LRRC7: variants seen among roughly 807,000 people sequenced by gnomAD.
LRRC7 encodes the protein leucine rich repeat containing 7.
Under a neutral mutation model 175.7 loss-of-function variants are expected in LRRC7, and 23 were observed. That is an observed-to-expected ratio of 0.13 (90% confidence interval 0.09 to 0.19). The LOEUF (loss-of-function observed/expected upper bound fraction) is 0.19. Ranked by LOEUF, LRRC7 falls within the 10% of genes least tolerant of loss-of-function variation. The probability of loss-of-function intolerance (pLI) is 1.00; values close to 1 mark genes in which losing one functional copy is unlikely to be tolerated. For missense variants in LRRC7, 1,354 were observed against 1,904.7 expected, an observed-to-expected ratio of 0.71 and a Z score of 5.38; for synonymous variants, 685 against 680.9, an observed-to-expected ratio of 1.01 and a Z score of -0.09.
At chr1:69,772,457 C>T (rs1035035888) in intron 3 of LRRC7, among the ~76,000 whole-genome samples, 2 of 152,160 alleles carry the variant, frequency 1.3e-5, no homozygotes, top group East Asian at 3.9e-4. Context: ...CACACAAGTT[C>T]AAATAAGCTA....
Position 70,135,739 on chromosome 1 carries a change from A to T in LRRC7, c.*13852A>T, listed in dbSNP as rs1666841057. 6.6e-6 allele frequency among the ~76,000 whole-genome samples: 1 copy of T among 152,212 alleles called. No homozygotes were observed. The highest frequency in any genetic ancestry group is 1.5e-5 in the Non-Finnish European group (1 of 68,038). ...CTCTAAAAGTGATTTTTTCTCTAGG[A>T]TATCATCATCCAAACTATTCTTGCC... On this transcript the variant is annotated 3_prime_UTR_variant, in exon 27 of 27. Transcript: ENST00000651989.
intron 7 of LRRC7, among the ~76,000 whole-genome samples, chr1:69,921,454 T>C (rs1318578468): frequency 1.3e-5 from 2 of 152,182 alleles, no homozygotes; most frequent in African/African-American, 4.8e-5. Context: ...ACCTTAGATT[T>C]ATTCCATTCT....
At position 69,577,180 on chromosome 1, in the gene LRRC7, T is replaced by C. The variant is rs1431205064; in HGVS notation, c.2+8539T>C. Among the ~76,000 whole-genome samples, 3 of 152,188 alleles carry C rather than the reference T, an allele frequency of 2.0e-5. No individual in the cohort carries two copies. In the East Asian group the frequency reaches 5.8e-4, roughly 29 times the overall value. On this transcript the variant is annotated intron_variant, in intron 1 of 26. Transcript: ENST00000651989. ...TTTGTACTTTGGTACAAGAAGAAAC[T>C]ACTAGAACTGTTATGCATGTTTAAG...
At chr1:70,106,724 C>G (rs1665171442) in intron 25 of LRRC7, among the ~76,000 whole-genome samples, 2 of 152,212 alleles carry the variant, frequency 1.3e-5, no homozygotes, top group Non-Finnish European at 2.9e-5. Flanking sequence ...CATCAGCACT[C>G]CAGCCATAGC....
intron 1 of LRRC7, among the ~76,000 whole-genome samples, chr1:69,646,851 T>C (rs767019660): frequency 2.0e-5 from 3 of 152,134 alleles, no homozygotes; most frequent in Non-Finnish European, 2.9e-5. Flanking sequence ...AAATAGGGTT[T>C]AAGGATCTCT....
intron 3 of LRRC7, among the ~76,000 whole-genome samples, chr1:69,784,340 T>C (rs1191354468): frequency 1.3e-5 from 2 of 152,208 alleles, no homozygotes; most frequent in Admixed American, 6.5e-5. Context: ...AGGTGAACTT[T>C]CTTCAACTGG....
chr1:69,739,061 G>A (rs1282816104), intron 2 of LRRC7, among the ~76,000 whole-genome samples: 2 of 152,030 alleles, frequency 1.3e-5, no homozygotes, highest in African/African-American at 4.8e-5. Flanking sequence ...TTGACTAAAA[G>A]CAAGATAGCA....
chr1:69,609,265 C>T (rs752129438), intron 1 of LRRC7, among the ~76,000 whole-genome samples: 3 of 152,030 alleles, frequency 2.0e-5, no homozygotes, highest in Non-Finnish European at 2.9e-5. Context: ...AAATCTGACT[C>T]ATGTCTACGT....
chr1:70,043,777 T>A (rs1393723374), intron 21 of LRRC7, among the ~76,000 whole-genome samples, 177 bp from the exon 22 acceptor site: 1 of 152,238 alleles, frequency 6.6e-6, no homozygotes, highest in Non-Finnish European at 1.5e-5. Context: ...GTACTCATTA[T>A]GTGCATAACT....
intron 8 of LRRC7, among the ~76,000 whole-genome samples, chr1:69,950,192 T>G (rs1334563123): frequency 1.3e-5 from 2 of 151,962 alleles, no homozygotes; most frequent in East Asian, 3.9e-4. Flanking sequence ...GTAATGAAAA[T>G]GAAAGTACCA....
chr1:69,955,769 A>G (rs1650425534), intron 8 of LRRC7, among the ~76,000 whole-genome samples: 1 of 151,976 alleles, frequency 6.6e-6, no homozygotes, highest in Non-Finnish European at 1.5e-5. Flanking sequence ...AAGCAAAACA[A>G]TTGAGCATGT....
Position 70,038,199 on chromosome 1 carries a change from G to C in LRRC7, c.2375G>C (p.Arg792Pro). The stretch of plus-strand genomic sequence containing the variant: ...GTTCCCCCAGGCAATATACCACAGC[G>C]TCCTGACCGGCTGCCCATGAGTGAT... The part of the protein sequence containing the change: ...EAVPPGNIPQ[R>P]PDRLPMSDTF... Residue 792 changes from arginine (R) to proline (P), a missense_variant, in exon 21 of 27, where the codon CGT (arginine) becomes CCT (proline). Arg to Pro is a moderately radical substitution (Grantham distance 103). Coordinates refer to ENST00000651989, the MANE Select transcript of LRRC7 (RefSeq NM_001370785.2). The C allele has an allele frequency of 6.2e-7, 1 of 1,614,100 alleles. No homozygotes were observed. Among genetic ancestry groups the C allele is most frequent in the Non-Finnish European group, 8.5e-7 (1 of 1,180,010 alleles).
intron 1 of LRRC7, chr1:69,607,918 C>T (rs151291398): frequency 9.2e-5 from 14 of 152,278 alleles, no homozygotes; most frequent in African/African-American, 3.1e-4. Context: ...AAACCCTTCC[C>T]AAATGAACCT....
Position 70,121,788 on chromosome 1 carries a change from A to G in LRRC7, c.4629A>G (p.Gly1543=). The G allele has an allele frequency of 6.2e-7, 1 of 1,607,162 alleles. No homozygotes were observed. The highest frequency in any genetic ancestry group is 1.1e-5 in the South Asian group (1 of 90,704). The change falls in exon 27 of 27, where the codon GGA becomes GGG. Residue 1543 remains glycine, a synonymous_variant. Coordinates refer to ENST00000651989, the MANE Select transcript of LRRC7 (RefSeq NM_001370785.2). ...TATTTGTGTATTTACAGGCAAATGG[A>G]CACAGTTTTGTACATATGGAACATG... ...QPGDKILQAN[G]HSFVHMEHEK...
chr1:69,838,555 A>G (rs973446015), intron 7 of LRRC7, among the ~76,000 whole-genome samples: 4 of 151,894 alleles, frequency 2.6e-5, no homozygotes, highest in Admixed American at 2.0e-4. Context: ...GTATTGCACT[A>G]AAACATATGA....
At chr1:70,072,404 T>G (rs2102118832) in intron 23 of LRRC7, among the ~76,000 whole-genome samples, 1 of 152,356 alleles carries the variant, frequency 6.6e-6, no homozygotes, top group Middle Eastern at 3.4e-3. Flanking sequence ...AGCCTTTGTG[T>G]CAGTCAAAAA....
At chr1:69,728,079 A>C (rs999856691) in intron 2 of LRRC7, among the ~76,000 whole-genome samples, 22 of 152,064 alleles carry the variant, frequency 1.4e-4, no homozygotes, top group Admixed American at 3.3e-4. Context: ...CAGTTTTATT[A>C]CTTTTTTCAG....
At chr1:69,857,558 G>A (rs1370674567) in intron 7 of LRRC7, among the ~76,000 whole-genome samples, 1 of 152,110 alleles carries the variant, frequency 6.6e-6, no homozygotes, top group East Asian at 1.9e-4. Flanking sequence ...TACAAGGGAT[G>A]TGAAGGACCT....
intron 3 of LRRC7, among the ~76,000 whole-genome samples, chr1:69,764,206 A>G (rs898177150): frequency 1.2e-4 from 18 of 151,984 alleles, no homozygotes; most frequent in African/African-American, 4.3e-4. Flanking sequence ...ATAATTTAGT[A>G]CTGTTTTGCT....
Sources: gnomAD v4.1 joint callset for allele counts (sites outside exome capture counted in the v4.1 genomes callset) on GRCh38, gnomAD v4.1.1 for gene constraint, MANE v1.5 for transcripts, NCBI Gene and HGNC (gene_info 2026-07-23, HGNC 2026-07-21) for gene names.